The following FAT4 variants were observed in gnomAD, a reference collection of about 807,000 sequenced individuals.
FAT4 encodes FAT atypical cadherin 4.
In FAT4, 84 loss-of-function variants were observed where a neutral mutation model predicts 303.9. The observed-to-expected ratio is 0.28, with a 90% CI of 0.23 to 0.33. The LOEUF is 0.33. Among genes scored for constraint, FAT4 ranks in the 10% least tolerant of loss-of-function variants. The pLI, the probability that FAT4 is intolerant of heterozygous loss-of-function variation, is 1.00. For missense variants in FAT4, 6,005 were observed against 6,146.8 expected, an observed-to-expected ratio of 0.98 and a Z score of 0.77; for synonymous variants, 2,307 against 2,298.8, an observed-to-expected ratio of 1.00 and a Z score of -0.10.
chr4:125,447,550 T>G (rs1366967032), intron 9 of FAT4, among the ~76,000 whole-genome samples: 2 of 152,148 alleles, frequency 1.3e-5, no homozygotes, highest in African/African-American at 4.8e-5. Context: ...AAGATAAAAT[T>G]TCCTATGTAA....
intron 2 of FAT4, among the ~76,000 whole-genome samples, chr4:125,387,438 G>T (rs1161073805): frequency 6.6e-6 from 1 of 152,074 alleles, no homozygotes; most frequent in African/African-American, 2.4e-5. Flanking sequence ...TTGTACTTGT[G>T]CCATTATTTT....
chr4:125,472,090 G>T (rs1363211833), intron 12 of FAT4, among the ~76,000 whole-genome samples: 1 of 45,500 alleles, frequency 2.2e-5, no homozygotes, highest in Non-Finnish European at 4.7e-5. Context: ...AAAAAAAAAA[G>T]GGTAGTTACT....
intron 2 of FAT4, among the ~76,000 whole-genome samples, chr4:125,372,363 CAA>C (rs200201646): frequency 4.1e-4 from 35 of 86,196 alleles, no homozygotes; most frequent in Non-Finnish European, 4.8e-4. Flanking sequence ...GACCCTGTTT[CAA>C]AAAAAAAAAA....
intron 3 of FAT4, among the ~76,000 whole-genome samples, chr4:125,401,245 A>G (rs1432836805): frequency 1.3e-5 from 2 of 152,034 alleles, no homozygotes; most frequent in Non-Finnish European, 2.9e-5. Context: ...GTTTCATATT[A>G]AGTAGAATGG....
At chr4:125,381,919 G>T (rs546591150) in intron 2 of FAT4, among the ~76,000 whole-genome samples, 8 of 152,244 alleles carry the variant, frequency 5.3e-5, no homozygotes, top group Non-Finnish European at 8.8e-5. Context: ...CCAGGAATAG[G>T]TTCCATCTCA....
At chr4:125,375,978 T>C (rs1361995750) in intron 2 of FAT4, among the ~76,000 whole-genome samples, 1 of 152,222 alleles carries the variant, frequency 6.6e-6, no homozygotes, top group Non-Finnish European at 1.5e-5. Flanking sequence ...AACTGACTAA[T>C]AGCGTCAAGA....
intron 2 of FAT4, among the ~76,000 whole-genome samples, chr4:125,360,665 T>G (rs955152568): frequency 6.6e-6 from 1 of 152,072 alleles, no homozygotes; most frequent in Non-Finnish European, 1.5e-5. Context: ...CCTATGCTAT[T>G]TGTACTGAAC....
rs1277901439 is a variant in FAT4 at position 125,433,591 on chromosome 4, T to C, written c.7019-654T>C. Among the ~76,000 whole-genome samples, 4 of 152,206 alleles carry C rather than the reference T, an allele frequency of 2.6e-5. No homozygotes were observed. In the East Asian group the frequency reaches 7.7e-4, roughly 29 times the overall value. Reference sequence around the variant, plus strand: ...GTTTTCACCATATATTGATAGCAGCTGGAACAGGAAATAAAAATGAATCAT... The same window carrying C: ...GTTTTCACCATATATTGATAGCAGCCGGAACAGGAAATAAAAATGAATCAT... On this transcript the variant is annotated intron_variant, in intron 7 of 17. Transcript: ENST00000394329.
intron 9 of FAT4, among the ~76,000 whole-genome samples, chr4:125,447,848 T>C (rs942896318): frequency 4.6e-5 from 7 of 152,094 alleles, no homozygotes; most frequent in African/African-American, 1.7e-4. Context: ...ATTATTTTAA[T>C]TGGCTTATGT....
intron 2 of FAT4, among the ~76,000 whole-genome samples, chr4:125,384,196 G>A (rs771007398): frequency 3.0e-4 from 45 of 152,086 alleles, no homozygotes; most frequent in Non-Finnish European, 5.1e-4. Flanking sequence ...CCTATGACTG[G>A]AATTACAAGT....
chr4:125,415,342 A>G lies in FAT4; in HGVS notation c.6379A>G (p.Thr2127Ala), dbSNP rs770883408. The G allele has an allele frequency of 5.6e-6, 9 of 1,614,082 alleles. No homozygotes were observed. Among genetic ancestry groups the G allele is most frequent in the Non-Finnish European group, 7.6e-6 (9 of 1,179,980 alleles). Residue 2127 changes from threonine to alanine, a missense_variant, in exon 6 of 18, where the codon ACA becomes GCA. By Grantham distance (58) the Thr-to-Ala change is moderately conservative. Coordinates refer to ENST00000394329, the MANE Select transcript of FAT4 (RefSeq NM_001291303.3). Reference sequence around the variant, plus strand: ...TAATTATACTCTAACAGTGGTGGCTACAGACAAAGGTCAACCATCTCTCTC... The same window carrying G: ...TAATTATACTCTAACAGTGGTGGCTGCAGACAAAGGTCAACCATCTCTCTC... ...VSNYTLTVVA[T>A]DKGQPSLSSS... is the part of the protein sequence containing the mutation.
intron 2 of FAT4, among the ~76,000 whole-genome samples, chr4:125,378,447 G>T (rs1051684914): frequency 6.6e-6 from 1 of 151,970 alleles, no homozygotes; most frequent in Non-Finnish European, 1.5e-5. Context: ...ATCAACCATT[G>T]TTTATATAAA....
chr4:125,463,185 G>T (rs1010459866), intron 10 of FAT4, among the ~76,000 whole-genome samples: 3 of 151,916 alleles, frequency 2.0e-5, no homozygotes, highest in Non-Finnish European at 2.9e-5. Context: ...GAAAATCTCT[G>T]CAGTGAAAAG....
In FAT4 at chr4:125,437,914, G is replaced by A. The variant is rs551122408; in HGVS notation, c.7199+3489G>A. Among the ~76,000 whole-genome samples the A allele has an allele frequency of 3.9e-5, 6 of 152,248 alleles. No individual in the cohort carries two copies. In the South Asian group the frequency reaches 1.2e-3, roughly 32 times the overall value. The stretch of plus-strand genomic sequence containing the variant: ...AAAGAGAGTAAGTAAAATAATTTAA[G>A]TGAGCTGGTTAGAATAGCACCAGGA... On this transcript the variant is annotated intron_variant, in intron 8 of 17. Transcript: ENST00000394329.
chr4:125,402,353 A>G (rs1171139406), intron 3 of FAT4, among the ~76,000 whole-genome samples: 1 of 151,952 alleles, frequency 6.6e-6, no homozygotes, highest in African/African-American at 2.4e-5. Context: ...CACCCACTTT[A>G]CTAAAATAAT....
chr4:125,384,666 A>G (rs1037183466), intron 2 of FAT4, among the ~76,000 whole-genome samples: 11 of 152,088 alleles, frequency 7.2e-5, no homozygotes, highest in Non-Finnish European at 1.6e-4. Flanking sequence ...ATGAAGTCTA[A>G]ATTTCCAGTC....
At chr4:125,397,689 C>G (rs1240502426) in intron 2 of FAT4, among the ~76,000 whole-genome samples, 1 of 152,026 alleles carries the variant, frequency 6.6e-6, no homozygotes, top group Non-Finnish European at 1.5e-5. Flanking sequence ...TTGTATATTT[C>G]CCATTCATTC....
chr4:125,407,007 T>C lies in FAT4; in HGVS notation c.5435T>C (p.Leu1812Pro). The C allele has an allele frequency of 6.2e-7, 1 of 1,613,886 alleles. No homozygotes were observed. Among genetic ancestry groups the C allele is most frequent in the Non-Finnish European group, 8.5e-7 (1 of 1,179,892 alleles). The stretch of plus-strand genomic sequence containing the variant: ...AGGGAACGCCGCTCCAAATATTCAC[T>C]GCTAGTTCGTGCTGATGATGGTCTT... The part of the protein sequence containing the change: ...LDRERRSKYS[L>P]LVRADDGLQS... The change falls in exon 4 of 18, where the codon CTG (leucine) becomes CCG (proline). Residue 1812 changes from leucine (L) to proline (P), a missense_variant. Leu to Pro is a moderately conservative substitution (Grantham distance 98). Transcript: ENST00000394329.
chr4:125,316,459 G>T lies in FAT4; in HGVS notation c.48G>T (p.Leu16Phe). 6.2e-7 allele frequency: 1 copy of T among 1,613,762 alleles called. No homozygotes were observed. Among genetic ancestry groups the T allele is most frequent in the Non-Finnish European group, 8.5e-7 (1 of 1,179,936 alleles). The change falls in exon 2 of 18, where the codon TTG (leucine) becomes TTT (phenylalanine). Residue 16 changes from leucine to phenylalanine, a missense_variant. By Grantham distance (22) the Leu-to-Phe change is conservative. Coordinates refer to ENST00000394329, the MANE Select transcript of FAT4 (RefSeq NM_001291303.3). The surrounding 1 kb of genome is among the most constrained non-coding windows in gnomAD (Gnocchi z 5.7). The part of the protein sequence containing the change: ...DRATGRPWLP[L>F]HTLSVSQLLR... ...CTACTGGCCGCCCGTGGCTCCCGTTGCACACTCTATCAGTATCTCAGCTCC... is the reference window on the plus strand; with the variant it reads ...CTACTGGCCGCCCGTGGCTCCCGTTTCACACTCTATCAGTATCTCAGCTCC...
Sources: gnomAD v4.1 joint callset for allele counts (sites outside exome capture counted in the v4.1 genomes callset) on GRCh38, gnomAD v4.1.1 for gene constraint, Gnocchi (gnomAD v3.1) non-coding constraint, MANE v1.5 for transcripts, NCBI Gene and HGNC (gene_info 2026-07-23, HGNC 2026-07-21) for gene names.